Variants in PCDH17 observed in about 807,000 individuals in gnomAD.
The protein encoded by PCDH17 is protocadherin 17.
A neutral mutation model predicts 67.7 loss-of-function variants in PCDH17; 21 were observed. That is an observed-to-expected ratio of 0.31 (90% CI 0.22 to 0.45). PCDH17 has a LOEUF of 0.45. Ranked by LOEUF, PCDH17 falls within the 20% of genes least tolerant of loss-of-function variation. The pLI, the probability that PCDH17 is intolerant of heterozygous loss-of-function variation, is 1.00. For synonymous variants in PCDH17, 701 were observed against 656.7 expected (o/e 1.07, Z -1.03); for missense variants, 1,471 against 1,564.8 (o/e 0.94, Z 1.01).
rs1024966045 is a variant in PCDH17 at position 57,728,706 on chromosome 13, T to G, written c.*3412T>G. 1 of 152,044 alleles carries G rather than the reference T, an allele frequency of 6.6e-6. No individual in the cohort carries two copies. The allele number at this position is 152,044 out of a possible 1,614,324, so 9.4% of individuals were successfully genotyped here. A position where few individuals can be genotyped will look rare whatever the true frequency, so the allele number is the denominator to read the frequency against. On this transcript the variant is annotated 3_prime_UTR_variant, in exon 4 of 4. Transcript: ENST00000377918. ...TTTATTGCAGGCAATATACAAAGATTGGCTCACTACTCCATAGGTTAATTG... is the reference window on the plus strand; with the variant it reads ...TTTATTGCAGGCAATATACAAAGATGGGCTCACTACTCCATAGGTTAATTG...
chr13:57,653,442 T>C lies in PCDH17; in HGVS notation c.2566-13026T>C, dbSNP rs143055911. On this transcript the variant is annotated intron_variant, in intron 1 of 3. Transcript: ENST00000377918. The stretch of plus-strand genomic sequence containing the variant: ...AAGCACAATACACAGAAAAGCTAGA[T>C]GAATCATACAGTACTTGAAAGAGTG... Among the ~76,000 whole-genome samples, 108 of 152,228 alleles carry C rather than the reference T, an allele frequency of 7.1e-4. 1 individual carries two copies. The highest frequency in any genetic ancestry group is 2.5e-3 in the African/African-American group (105 of 41,562).
upstream of PCDH17, among the ~76,000 whole-genome samples, chr13:57,630,172 A>C (rs1204015584): frequency 6.6e-6 from 1 of 152,216 alleles, no homozygotes. Context: ...CAGCGGCGGA[A>C]GGCGGCTGGG....
intron 3 of PCDH17, among the ~76,000 whole-genome samples, chr13:57,719,369 T>C (rs1198785249): frequency 6.6e-6 from 1 of 152,006 alleles, no homozygotes; most frequent in African/African-American, 2.4e-5. Context: ...GCCACAACAA[T>C]TTAGACTGTC....
chr13:57,641,929 A>T (rs1165503890), intron 1 of PCDH17, among the ~76,000 whole-genome samples: 2 of 151,654 alleles, frequency 1.3e-5, no homozygotes, highest in Non-Finnish European at 3.0e-5. Context: ...AGATGTAACT[A>T]ATCTACATAA....
At chr13:57,704,953 A>G (rs543201549) in intron 3 of PCDH17, among the ~76,000 whole-genome samples, 9 of 152,090 alleles carry the variant, frequency 5.9e-5, no homozygotes, top group Admixed American at 2.6e-4. Context: ...TATATTATGT[A>G]TATGTATATA....
At chr13:57,692,461 G>A (rs1032982291) in intron 3 of PCDH17, among the ~76,000 whole-genome samples, 4 of 151,270 alleles carry the variant, frequency 2.6e-5, no homozygotes, top group Middle Eastern at 3.4e-3. Flanking sequence ...TAAAGCTTTT[G>A]TACTAAAATG....
chr13:57,679,458 C>A (rs1166313314), intron 3 of PCDH17, among the ~76,000 whole-genome samples: 1 of 151,030 alleles, frequency 6.6e-6, no homozygotes, highest in Non-Finnish European at 1.5e-5. Context: ...GTAACCTAGG[C>A]ACATGGTAAT....
chr13:57,645,919 TATTA>T (rs1317924792), intron 1 of PCDH17, among the ~76,000 whole-genome samples: 2 of 151,482 alleles, frequency 1.3e-5, no homozygotes, highest in African/African-American at 4.8e-5. Flanking sequence ...TTCGTCTATA[TATTA>T]ATTAATTTTT....
intron 3 of PCDH17, among the ~76,000 whole-genome samples, chr13:57,689,250 A>T (rs1483922052): frequency 1.3e-5 from 2 of 152,030 alleles, no homozygotes; most frequent in Non-Finnish European, 1.5e-5. Flanking sequence ...TATGAAGGTA[A>T]TGAAGAAGCA....
chr13:57,710,368 C>G (rs533588359), intron 3 of PCDH17, among the ~76,000 whole-genome samples: 1 of 151,778 alleles, frequency 6.6e-6, no homozygotes, highest in African/African-American at 2.4e-5. Context: ...CATATAGTTT[C>G]CTAAAGGCAA....
intron 3 of PCDH17, among the ~76,000 whole-genome samples, chr13:57,698,275 T>C (rs1393045203): frequency 6.6e-6 from 1 of 151,608 alleles, no homozygotes; most frequent in Non-Finnish European, 1.5e-5. Flanking sequence ...TTTGTCTTGT[T>C]TAGTTATTTT....
chr13:57,640,246 G>C (rs912848462), intron 1 of PCDH17, among the ~76,000 whole-genome samples: 1 of 151,758 alleles, frequency 6.6e-6, no homozygotes, highest in South Asian at 2.1e-4. Context: ...CAATAGAAAT[G>C]TATCTACAAA....
intron 3 of PCDH17, among the ~76,000 whole-genome samples, chr13:57,720,601 G>T (rs1955864491): frequency 6.6e-6 from 1 of 151,762 alleles, no homozygotes; most frequent in African/African-American, 2.4e-5. Context: ...TTCTCTTATG[G>T]TAATTGCTAG....
chr13:57,712,669 C>A (rs2138091333), intron 3 of PCDH17, among the ~76,000 whole-genome samples: 1 of 151,306 alleles, frequency 6.6e-6, no homozygotes, highest in African/African-American at 2.4e-5. Flanking sequence ...TCACTTATTT[C>A]TAAGATTGAA....
At chr13:57,637,590 A>G (rs1427786258) in intron 1 of PCDH17, among the ~76,000 whole-genome samples, 2 of 151,950 alleles carry the variant, frequency 1.3e-5, no homozygotes, top group African/African-American at 4.8e-5. Flanking sequence ...TATTAATCTC[A>G]TGTGTATTTC....
chr13:57,724,813 C>T lies in PCDH17; in HGVS notation c.2999C>T (p.Thr1000Ile). Residue 1000 changes from threonine to isoleucine, a missense_variant, in exon 4 of 4, where the codon ACA (threonine) becomes ATA (isoleucine). Physicochemically the swap from Thr to Ile is moderately conservative, Grantham distance 89. Transcript: ENST00000377918. ...VNPTGKKTFC[T>I]FGKDKREHTI... The stretch of plus-strand genomic sequence containing the variant: ...CCCACTGGGAAAAAGACTTTTTGTA[C>T]ATTTGGAAAAGACAAGCGAGAGCAC... 1.9e-6 allele frequency: 3 copies of T among 1,614,158 alleles called. No individual in the cohort carries two copies. The highest frequency in any genetic ancestry group is 2.5e-6 in the Non-Finnish European group (3 of 1,180,000).
At position 57,666,802 on chromosome 13, in the gene PCDH17, T is replaced by C. The variant is rs571036509; in HGVS notation, c.2766T>C (p.Thr922=). Reference sequence around the variant, plus strand: ...TTAGGGAGGCACTCAAGATGAAAACTACTTCAACTAAAAGCCAACCACTTG... The same window carrying C: ...TTAGGGAGGCACTCAAGATGAAAACCACTTCAACTAAAAGCCAACCACTTG... ...MSVREALKMK[T]TSTKSQPLEQ... Residue 922 remains threonine, a synonymous_variant, in exon 3 of 4, where the codon ACT becomes ACC. Transcript: ENST00000377918. The C allele has an allele frequency of 1.2e-6, 2 of 1,611,254 alleles. No individual in the cohort carries two copies. The highest frequency in any genetic ancestry group is 8.5e-7 in the Non-Finnish European group (1 of 1,178,696).
Position 57,666,830 on chromosome 13 carries a change from C to A in PCDH17, c.2794C>A (p.Gln932Lys). Residue 932 changes from glutamine (Q) to lysine (K), a missense_variant, in exon 3 of 4, where the codon CAA becomes AAA. Gln to Lys is a moderately conservative substitution (Grantham distance 53, BLOSUM62 1). Transcript: ENST00000377918. Reference sequence around the variant, plus strand: ...TTCAACTAAAAGCCAACCACTTGAACAAGGTGAGTGAAGTCTTCCAATGCT... The same window carrying A: ...TTCAACTAAAAGCCAACCACTTGAAAAAGGTGAGTGAAGTCTTCCAATGCT... Reference protein sequence around the residue: ...TTSTKSQPLEQEPEECVNCTD... With the variant: ...TTSTKSQPLEKEPEECVNCTD... 6.2e-7 allele frequency: 1 copy of A among 1,604,510 alleles called. No homozygotes were observed. The highest frequency in any genetic ancestry group is 8.5e-7 in the Non-Finnish European group (1 of 1,174,448).
chr13:57,725,700 A>G lies in PCDH17; in HGVS notation c.*406A>G, dbSNP rs987960885. ...TTTATGCTGACTTAACTGTTTACCT[A>G]TAAACCCCATACAAAGCAGGGTCAT... is the stretch of plus-strand genomic sequence containing the variant. On this transcript the variant is annotated 3_prime_UTR_variant, in exon 4 of 4. Coordinates refer to ENST00000377918, the MANE Select transcript of PCDH17 (RefSeq NM_001040429.3). 1 of 162,330 alleles carries G rather than the reference A, an allele frequency of 6.2e-6. No individual in the cohort carries two copies. The highest frequency in any genetic ancestry group is 2.4e-5 in the African/African-American group (1 of 41,596). The allele number at this position is 162,330 out of a possible 1,614,324, so 10.1% of individuals were successfully genotyped here.
Sources: gnomAD v4.1 joint callset for allele counts (sites outside exome capture counted in the v4.1 genomes callset) on GRCh38, gnomAD v4.1.1 for gene constraint, MANE v1.5 for transcripts, NCBI Gene and HGNC (gene_info 2026-07-23, HGNC 2026-07-21) for gene names.